SCRN1: variants seen among roughly 807,000 people sequenced by gnomAD.
SCRN1 encodes secernin 1, also known as secernin-1.
In SCRN1, 19 loss-of-function variants were observed where a neutral mutation model predicts 43.3. The observed-to-expected ratio is 0.44, with a 90% CI of 0.31 to 0.64. The LOEUF is 0.64. Ranked by LOEUF, SCRN1 falls within the 30% of genes least tolerant of loss-of-function variation. The pLI is 0.09. For missense variants in SCRN1, 447 were observed against 524.1 expected (o/e 0.85, Z 1.44); for synonymous variants, 183 against 188.9 (o/e 0.97, Z 0.26).
At chr7:29,966,710 A>T (rs921945310) in intron 2 of SCRN1, among the ~76,000 whole-genome samples, 6 of 152,206 alleles carry the variant, frequency 3.9e-5, no homozygotes, top group Non-Finnish European at 8.8e-5. Context: ...GGCTTTTATT[A>T]AGTTAGTGGC....
rs1324442732 is a variant in SCRN1, at chr7:29,944,068, G to A, written c.453C>T (p.His151=). 1 of 1,614,130 alleles carries A rather than the reference G, an allele frequency of 6.2e-7. No individual in the cohort carries two copies. The highest frequency in any genetic ancestry group is 1.3e-5 in the African/African-American group (1 of 74,952). Residue 151 remains histidine, a synonymous_variant, in exon 4 of 8, where the codon CAC becomes CAT. Coordinates refer to ENST00000242059, the MANE Select transcript of SCRN1 (RefSeq NM_014766.5). Reference sequence around the variant, plus strand: ...CAATCAGATATGCACTTTGGAAGCTGTGGCAGGAGTTTGCATCTTCAAAGT... The same window carrying A: ...CAATCAGATATGCACTTTGGAAGCTATGGCAGGAGTTTGCATCTTCAAAGT... The part of the protein sequence containing the change: ...GNYFEDANSC[H]SFQSAYLIVD...
Position 29,950,812 on chromosome 7 carries a change from A to C in SCRN1, c.341+4367T>G, listed in dbSNP as rs1204218451. ...TGAGAGCTGGATACTCGTCAGGATG[A>C]CCTGCCTGCAGAATGGAGCTACCCA... On this transcript the variant is annotated intron_variant, in intron 3 of 7. Coordinates refer to ENST00000242059, the MANE Select transcript of SCRN1 (RefSeq NM_014766.5). The surrounding 1 kb of genome is among the most constrained non-coding windows in gnomAD (Gnocchi z 4.5). 6.6e-6 allele frequency among the ~76,000 whole-genome samples: 1 copy of C among 152,136 alleles called. No individual in the cohort carries two copies. Among genetic ancestry groups the C allele is most frequent in the Admixed American group, 6.5e-5 (1 of 15,280 alleles).
At chr7:29,945,351 T>C (rs1787701640) in intron 3 of SCRN1, among the ~76,000 whole-genome samples, 1 of 152,158 alleles carries the variant, frequency 6.6e-6, no homozygotes, top group Non-Finnish European at 1.5e-5. Context: ...CCTGTGCTAT[T>C]CTCGTGATAG....
chr7:29,953,177 C>T (rs1453058737), intron 3 of SCRN1, among the ~76,000 whole-genome samples: 9 of 152,218 alleles, frequency 5.9e-5, no homozygotes, highest in Non-Finnish European at 1.2e-4. Flanking sequence ...GTGCCATTCA[C>T]GTGGCATCAA....
intron 2 of SCRN1, among the ~76,000 whole-genome samples, chr7:29,957,737 G>A (rs1010686503): frequency 5.3e-5 from 8 of 152,166 alleles, no homozygotes; most frequent in South Asian, 2.1e-4. Flanking sequence ...GCTGTATCAC[G>A]TGGGAGAAAT....
intron 1 of SCRN1, among the ~76,000 whole-genome samples, chr7:29,987,695 T>C (rs1019263320): frequency 6.6e-6 from 1 of 152,246 alleles, no homozygotes; most frequent in Non-Finnish European, 1.5e-5. Flanking sequence ...GGCTTCCCAT[T>C]GCTCGAAGTG....
chr7:29,968,925 G>T lies in SCRN1; in HGVS notation c.143C>A (p.Pro48Gln). The T allele has an allele frequency of 1.2e-6, 2 of 1,614,094 alleles. No homozygotes were observed. The highest frequency in any genetic ancestry group is 8.5e-7 in the Non-Finnish European group (1 of 1,180,018). Residue 48 changes from proline (P) to glutamine (Q), a missense_variant, in exon 2 of 8, where the codon CCG becomes CAG. Transcript: ENST00000242059. ...VVYFSAADHE[P>Q]ESKVECTYIS... is the part of the protein sequence containing the mutation. ...ACGGCTTACCTCAACCTTGCTCTCC[G>T]GTTCGTGATCAGCAGCCGAGAAATA...
rs558137868 is a variant in SCRN1 at position 29,984,656 on chromosome 7, C to A, written c.-2+4986G>T. ...GAGAATTACAAATTAAAGGGCCAGG[C>A]GTGGTGGCTCACACCTGTAATCCCA... is the stretch of plus-strand genomic sequence containing the variant. On this transcript the variant is annotated intron_variant, in intron 1 of 7. Coordinates refer to ENST00000242059, the MANE Select transcript of SCRN1 (RefSeq NM_014766.5). Among the ~76,000 whole-genome samples, 180 of 151,934 alleles carry A rather than the reference C, an allele frequency of 1.2e-3. 1 individual carries two copies. The highest frequency in any genetic ancestry group is 4.2e-3 in the African/African-American group (174 of 41,396).
At chr7:29,967,517 C>CCTGACTGTACAGGTACAGGCAG (rs1788536744) in intron 2 of SCRN1, among the ~76,000 whole-genome samples, 3 of 151,922 alleles carry the variant, frequency 2.0e-5, no homozygotes, top group Non-Finnish European at 2.9e-5. Context: ...GCATGTGTCA[C>CCTGACTGTACAGGTACAGGCAG]TGTACCTGAC....
intron 4 of SCRN1, among the ~76,000 whole-genome samples, chr7:29,941,133 T>TC (rs955551306): frequency 4.6e-5 from 7 of 152,156 alleles, no homozygotes; most frequent in African/African-American, 1.7e-4. Context: ...AAAAGCATAA[T>TC]CAACAGGAAA....
chr7:29,928,093 G>A (rs146521251), intron 6 of SCRN1, among the ~76,000 whole-genome samples: 50 of 152,194 alleles, frequency 3.3e-4, no homozygotes, highest in African/African-American at 1.2e-3. Flanking sequence ...ATCGCACTCC[G>A]GCCTGGGTGA....
At chr7:29,964,237 C>T (rs1207835068) in intron 2 of SCRN1, among the ~76,000 whole-genome samples, 3 of 152,182 alleles carry the variant, frequency 2.0e-5, no homozygotes, top group African/African-American at 2.4e-5. Flanking sequence ...CAGCTATGTT[C>T]ATAACTGCCA....
Position 29,923,780 on chromosome 7 carries a change from C to A in SCRN1, c.*177G>T. The A allele has an allele frequency of 1.5e-6, 1 of 686,578 alleles. No individual in the cohort carries two copies. 42.5% of individuals were successfully genotyped at this position (686,578 alleles called of 1,614,324 possible). On this transcript the variant is annotated 3_prime_UTR_variant, in exon 8 of 8. Coordinates refer to ENST00000242059, the MANE Select transcript of SCRN1 (RefSeq NM_014766.5). ...CTGCACAGGAAGGAGACCTACATTG[C>A]AGAAGGGGACGCTGTGAGATTCAAG...
intron 7 of SCRN1, among the ~76,000 whole-genome samples, chr7:29,925,812 C>T (rs1009058726): frequency 7.1e-6 from 1 of 140,738 alleles, no homozygotes; most frequent in African/African-American, 2.7e-5. Context: ...AGTTCAAGAC[C>T]AGCCTGGCCA....
Position 29,949,380 on chromosome 7 carries a change from C to CT in SCRN1, c.342-5202dup, listed in dbSNP as rs796277151. Among the ~76,000 whole-genome samples, 810 of 135,600 alleles carry CT rather than the reference C, an allele frequency of 6.0e-3. 12 individuals carry two copies. The highest frequency in any genetic ancestry group is 0.019 in the East Asian group (84 of 4,494). The allele number at this position is 135,600 out of a possible 152,430, so 89.0% of individuals were successfully genotyped here. A position where few individuals can be genotyped will look rare whatever the true frequency, so the allele number is the denominator to read the frequency against. On this transcript the variant is annotated intron_variant, in intron 3 of 7. Coordinates refer to ENST00000242059, the MANE Select transcript of SCRN1 (RefSeq NM_014766.5). ...TAATTTCCCCTTTCTTTCCTTCACT[C>CT]TTTTTTTTTTTTTTTTGAGACAGGA...
chr7:29,962,708 A>G lies in SCRN1; in HGVS notation c.159+6201T>C, dbSNP rs529079712. Among the ~76,000 whole-genome samples, 6 of 148,762 alleles carry G rather than the reference A, an allele frequency of 4.0e-5. 1 individual carries two copies. In the South Asian group the frequency reaches 1.2e-3, roughly 31 times the overall value. ...CTCAAACATAAAATAAAATAAAATA[A>G]AATAACATAAAATAACATAAAATGT... On this transcript the variant is annotated intron_variant, in intron 2 of 7. Transcript: ENST00000242059.
At chr7:29,924,149 A>C (rs759779683) in intron 7 of SCRN1, 34 bp from the exon 8 acceptor site, 1 of 1,589,914 alleles carries the variant, frequency 6.3e-7, no homozygotes, top group Non-Finnish European at 8.5e-7. Context: ...AGGTGTCAGC[A>C]AAATAGCAGG....
chr7:29,959,423 T>G (rs1788236378), intron 2 of SCRN1, among the ~76,000 whole-genome samples: 1 of 152,130 alleles, frequency 6.6e-6, no homozygotes, highest in Admixed American at 6.6e-5. Flanking sequence ...TGTGTGTGTG[T>G]GTATGTGTGT....
chr7:29,932,316 C>A (rs924856356), intron 6 of SCRN1, among the ~76,000 whole-genome samples: 1 of 152,116 alleles, frequency 6.6e-6, no homozygotes, highest in Non-Finnish European at 1.5e-5. Context: ...GCTCCAGTAA[C>A]AAAAAGCTGT....
Sources: allele counts gnomAD v4.1 joint callset (sites outside exome capture counted in the v4.1 genomes callset), GRCh38; gene constraint gnomAD v4.1.1; non-coding constraint Gnocchi (gnomAD v3.1); transcripts MANE v1.5; gene names NCBI Gene and HGNC (gene_info 2026-07-23, HGNC 2026-07-21).